Variants in C8orf34 observed in about 807,000 individuals in gnomAD.
C8orf34 encodes the protein chromosome 8 open reading frame 34.
A neutral mutation model predicts 68.3 loss-of-function variants in C8orf34; 65 were observed. That is an observed-to-expected ratio of 0.95 (90% CI 0.78 to 1.17). The LOEUF (loss-of-function observed/expected upper bound fraction) is 1.17. Among genes scored for constraint, C8orf34 ranks in the 50% most tolerant of loss-of-function variants. The pLI, the probability that C8orf34 is intolerant of heterozygous loss-of-function variation, is 0.00. For synonymous variants in C8orf34, 244 were observed against 241.2 expected, an observed-to-expected ratio of 1.01 and a Z score of -0.11; for missense variants, 664 against 655.4, an observed-to-expected ratio of 1.01 and a Z score of -0.14.
At chr8:68,426,422 G>C (rs1176383341) in intron 1 of C8orf34, among the ~76,000 whole-genome samples, 1 of 150,426 alleles carries the variant, frequency 6.6e-6, no homozygotes, top group African/African-American at 2.5e-5. Flanking sequence ...GGGGGCCCAA[G>C]GTGGGAAAAT....
intron 8 of C8orf34, among the ~76,000 whole-genome samples, chr8:68,692,699 G>A (rs895639126): frequency 5.9e-5 from 9 of 152,032 alleles, no homozygotes; most frequent in African/African-American, 1.9e-4. Context: ...AGTCTTTAGT[G>A]TTACCTTTGT....
intron 12 of C8orf34, among the ~76,000 whole-genome samples, chr8:68,795,654 A>G (rs1388094050): frequency 3.3e-5 from 5 of 152,196 alleles, no homozygotes; most frequent in Non-Finnish European, 5.9e-5. Flanking sequence ...TGAACACTCA[A>G]GTAGTTTTTA....
intron 10 of C8orf34, among the ~76,000 whole-genome samples, chr8:68,769,950 C>T (rs1431905985): frequency 2.0e-5 from 3 of 151,952 alleles, no homozygotes; most frequent in African/African-American, 7.3e-5. Flanking sequence ...GTGAGGGGAG[C>T]CGGGGATGGC....
intron 8 of C8orf34, among the ~76,000 whole-genome samples, chr8:68,703,013 A>T (rs1453121183): frequency 6.6e-6 from 1 of 152,174 alleles, no homozygotes; most frequent in African/African-American, 2.4e-5. Flanking sequence ...TCACCAAGCA[A>T]GCAAAATTGT....
chr8:68,512,323 A>C (rs1814311410), intron 5 of C8orf34, among the ~76,000 whole-genome samples: 1 of 152,240 alleles, frequency 6.6e-6, no homozygotes, highest in Admixed American at 6.5e-5. Flanking sequence ...AACCTAAAGA[A>C]GAATTGAACA....
intron 8 of C8orf34, among the ~76,000 whole-genome samples, chr8:68,671,941 T>C (rs1320013465): frequency 2.6e-5 from 4 of 152,212 alleles, no homozygotes; most frequent in African/African-American, 9.6e-5. Context: ...GGAAAAATAA[T>C]GTTCACTCTA....
intron 5 of C8orf34, among the ~76,000 whole-genome samples, chr8:68,489,275 A>G (rs1302264420): frequency 6.6e-6 from 1 of 152,206 alleles, no homozygotes; most frequent in African/African-American, 2.4e-5. Flanking sequence ...TTTGGTGAAT[A>G]CTGCTCTAGA....
intron 12 of C8orf34, among the ~76,000 whole-genome samples, chr8:68,804,583 C>A (rs1824429529): frequency 1.3e-5 from 2 of 152,032 alleles, no homozygotes; most frequent in Non-Finnish European, 2.9e-5. Flanking sequence ...GAGTTTGAGA[C>A]CAGCCTGGGC....
intron 12 of C8orf34, among the ~76,000 whole-genome samples, chr8:68,797,076 C>T (rs940423290): frequency 2.6e-5 from 4 of 152,176 alleles, no homozygotes; most frequent in African/African-American, 9.6e-5. Context: ...ATCCACCCAC[C>T]TTGGCCTCCC....
At chr8:68,488,463 C>T (rs55723742) in intron 5 of C8orf34, among the ~76,000 whole-genome samples, 10,732 of 151,800 alleles carry the variant, frequency 0.071, 617 homozygotes, top group East Asian at 0.23. Flanking sequence ...TTTAATTTTC[C>T]GAGATGCCAA....
At chr8:68,383,865 A>G (rs781186844) in intron 1 of C8orf34, among the ~76,000 whole-genome samples, 18 of 152,160 alleles carry the variant, frequency 1.2e-4, no homozygotes, top group Non-Finnish European at 2.4e-4. Flanking sequence ...GAGCTAAAGA[A>G]CCCATGTTTG....
At chr8:68,729,509 G>A (rs1291222717) in intron 10 of C8orf34, among the ~76,000 whole-genome samples, 1 of 152,066 alleles carries the variant, frequency 6.6e-6, no homozygotes, top group East Asian at 1.9e-4. Context: ...TGTCTTCTTG[G>A]AGATTCATTC....
intron 10 of C8orf34, among the ~76,000 whole-genome samples, chr8:68,724,847 T>C (rs1433363865): frequency 6.6e-6 from 1 of 152,144 alleles, no homozygotes; most frequent in Non-Finnish European, 1.5e-5. Context: ...GATTGCATAA[T>C]TTCTATGGCT....
chr8:68,412,906 C>T (rs1809504596), intron 1 of C8orf34, among the ~76,000 whole-genome samples: 2 of 152,170 alleles, frequency 1.3e-5, no homozygotes. Flanking sequence ...AGTGTCCTCA[C>T]TCTGTGTCCT....
Position 68,468,746 on chromosome 8 carries a change from G to A in C8orf34, c.662G>A (p.Arg221His), listed in dbSNP as rs142064557. 1.5e-3 allele frequency: 2,405 copies of A among 1,612,808 alleles called. 3 individuals carry two copies. Among genetic ancestry groups the A allele is most frequent in the Non-Finnish European group, 1.9e-3 (2,214 of 1,179,208 alleles). The change falls in exon 4 of 14, where the codon CGT becomes CAT. Residue 221 changes from arginine to histidine, a missense_variant. Arg to His is a conservative substitution (Grantham distance 29). Coordinates refer to ENST00000518698, the MANE Select transcript of C8orf34 (RefSeq NM_052958.4). ...KWNWRTKPQS[R>H]DFDELNHILQ... ...AACTGGAGGACTAAACCACAAAGCC[G>A]TGATTTTGATGAATTGAATCACATC...
At chr8:68,643,689 C>T (rs962777990) in intron 8 of C8orf34, among the ~76,000 whole-genome samples, 22 of 152,078 alleles carry the variant, frequency 1.4e-4, no homozygotes, top group African/African-American at 5.3e-4. Flanking sequence ...GAGGGTTCCA[C>T]CCTTGTGACC....
At chr8:68,412,113 TCTC>T (rs1293622685) in intron 1 of C8orf34, among the ~76,000 whole-genome samples, 9 of 152,170 alleles carry the variant, frequency 5.9e-5, no homozygotes, top group Non-Finnish European at 5.9e-5. Context: ...ATCTTGGACT[TCTC>T]AGCCTCCAGA....
At chr8:68,415,461 C>T (rs118171011) in intron 1 of C8orf34, among the ~76,000 whole-genome samples, 6,896 of 150,864 alleles carry the variant, frequency 0.046, 214 homozygotes, top group Middle Eastern at 0.11. Context: ...GCCTGGGCAA[C>T]GAGAGTGAAA....
chr8:68,671,336 G>A (rs16934894), intron 8 of C8orf34, among the ~76,000 whole-genome samples: 5,652 of 152,250 alleles, frequency 0.037, 335 homozygotes, highest in African/African-American at 0.13. Flanking sequence ...CACTGAGAAC[G>A]ATCATGTGAT....
Sources: allele counts gnomAD v4.1 joint callset (sites outside exome capture counted in the v4.1 genomes callset), GRCh38; gene constraint gnomAD v4.1.1; transcripts MANE v1.5; gene names NCBI Gene and HGNC (gene_info 2026-07-23, HGNC 2026-07-21).